The following SETD3 variants were observed in gnomAD, a reference collection of about 807,000 sequenced individuals.
The protein encoded by SETD3 is SET domain containing 3, actin N3(tau)-histidine methyltransferase, also known as actin-histidine N-methyltransferase.
In SETD3, 19 loss-of-function variants were observed where a neutral mutation model predicts 63.0. The observed-to-expected ratio is 0.30, with a 90% CI of 0.21 to 0.44. The LOEUF (loss-of-function observed/expected upper bound fraction) is 0.44. Ranked by LOEUF, SETD3 falls within the 20% of genes least tolerant of loss-of-function variation. The probability of loss-of-function intolerance (pLI) is 1.00; values close to 1 mark genes in which losing one functional copy is unlikely to be tolerated. For missense variants in SETD3, 587 were observed against 728.5 expected (o/e 0.81, Z 2.24); for synonymous variants, 286 against 264.1 (o/e 1.08, Z -0.80).
chr14:99,481,550 C>A (rs1896320734), upstream of SETD3: 2 of 398,398 alleles, frequency 5.0e-6, no homozygotes, highest in Non-Finnish European at 4.4e-6. Context: ...TAGGTTATGG[C>A]CAACCGCCGC....
chr14:99,425,419 G>A (rs1012511510), intron 6 of SETD3, among the ~76,000 whole-genome samples: 1 of 152,248 alleles, frequency 6.6e-6, no homozygotes, highest in Non-Finnish European at 1.5e-5. Context: ...CAAGTGGTTA[G>A]AGCACCTGCC....
intron 6 of SETD3, among the ~76,000 whole-genome samples, chr14:99,414,299 G>T (rs558700929): frequency 6.6e-6 from 1 of 152,368 alleles, no homozygotes; most frequent in South Asian, 2.1e-4. Context: ...GGTCCATCCT[G>T]GCCCCGCTCT....
At chr14:99,449,702 G>C (rs959669456) in intron 6 of SETD3, among the ~76,000 whole-genome samples, 1 of 152,202 alleles carries the variant, frequency 6.6e-6, no homozygotes, top group East Asian at 1.9e-4. Flanking sequence ...GGACAACACT[G>C]GTGAAATTCA....
chr14:99,461,935 G>A (rs1277417190), intron 3 of SETD3, among the ~76,000 whole-genome samples: 11 of 152,150 alleles, frequency 7.2e-5, no homozygotes, highest in Non-Finnish European at 1.6e-4. Flanking sequence ...CACGTAATAT[G>A]ACACCATTTA....
intron 6 of SETD3, among the ~76,000 whole-genome samples, chr14:99,453,371 A>T (rs1894572034): frequency 6.6e-6 from 1 of 152,236 alleles, no homozygotes; most frequent in Non-Finnish European, 1.5e-5. Flanking sequence ...ACAATTTTTT[A>T]AAAAGATAAT....
At chr14:99,480,268 C>A (rs1303208554) in intron 1 of SETD3, among the ~76,000 whole-genome samples, 1 of 152,188 alleles carries the variant, frequency 6.6e-6, no homozygotes, top group Non-Finnish European at 1.5e-5. Flanking sequence ...GAAATGGGAG[C>A]GCGACCCGGC....
At chr14:99,410,138 G>T in intron 8 of SETD3, 1 of 1,535,264 alleles carries the variant, frequency 6.5e-7, no homozygotes, top group South Asian at 1.1e-5. Context: ...GGAGGTCTAT[G>T]AGTGAGTCCC....
intron 6 of SETD3, among the ~76,000 whole-genome samples, chr14:99,433,797 G>A (rs1893317202): frequency 6.6e-6 from 1 of 152,182 alleles, no homozygotes; most frequent in South Asian, 2.1e-4. Flanking sequence ...GGACATCTAA[G>A]TAGCTAATAA....
intron 6 of SETD3, among the ~76,000 whole-genome samples, chr14:99,457,665 G>A (rs1894835019): frequency 6.6e-6 from 1 of 152,210 alleles, no homozygotes; most frequent in Non-Finnish European, 1.5e-5. Context: ...TCCTGGTGGG[G>A]ACTGTGGTAC....
At chr14:99,451,990 A>C (rs1894489087) in intron 6 of SETD3, among the ~76,000 whole-genome samples, 1 of 152,254 alleles carries the variant, frequency 6.6e-6, no homozygotes, top group East Asian at 1.9e-4. Context: ...GTGTTCATAC[A>C]GGTGTTTTAC....
At chr14:99,477,085 C>T (rs575083638) in intron 1 of SETD3, among the ~76,000 whole-genome samples, 26 of 152,236 alleles carry the variant, frequency 1.7e-4, no homozygotes, top group African/African-American at 6.3e-4. Flanking sequence ...ATCAGTAGAT[C>T]CCTTTCAAAA....
At chr14:99,400,775 G>A (rs964993849) in intron 11 of SETD3, among the ~76,000 whole-genome samples, 5 of 152,248 alleles carry the variant, frequency 3.3e-5, no homozygotes, top group South Asian at 4.1e-4. Flanking sequence ...AGCCACGTTC[G>A]TAACAAGCCA....
intron 6 of SETD3, among the ~76,000 whole-genome samples, chr14:99,416,020 T>G (rs1330521976): frequency 6.6e-6 from 1 of 152,172 alleles, no homozygotes; most frequent in Admixed American, 6.5e-5. Context: ...CAACTAAGAT[T>G]TGGTTTCTAA....
intron 6 of SETD3, among the ~76,000 whole-genome samples, chr14:99,424,476 T>C (rs769932844): frequency 6.6e-6 from 1 of 152,088 alleles, no homozygotes; most frequent in East Asian, 1.9e-4. Flanking sequence ...CAGTGTGGAA[T>C]GTTCTTGATA....
At chr14:99,469,682 G>C (rs114136692) in intron 1 of SETD3, among the ~76,000 whole-genome samples, 3 of 152,214 alleles carry the variant, frequency 2.0e-5, no homozygotes, top group Non-Finnish European at 4.4e-5. Context: ...GAAGGCAGAG[G>C]CTGCAATGAG....
intron 6 of SETD3, among the ~76,000 whole-genome samples, chr14:99,455,754 T>C (rs772989763): frequency 2.6e-5 from 4 of 152,096 alleles, no homozygotes; most frequent in Non-Finnish European, 5.9e-5. Flanking sequence ...ACTTCTGACA[T>C]TTGGGGCTGG....
chr14:99,426,295 T>C (rs1892879337), intron 6 of SETD3, among the ~76,000 whole-genome samples: 1 of 152,258 alleles, frequency 6.6e-6, no homozygotes, highest in South Asian at 2.1e-4. Flanking sequence ...ATGGATTTCA[T>C]TCATTCATTC....
At chr14:99,418,107 T>C (rs549674546) in intron 6 of SETD3, among the ~76,000 whole-genome samples, 25 of 152,348 alleles carry the variant, frequency 1.6e-4, no homozygotes, top group African/African-American at 5.8e-4. Flanking sequence ...TTCTAAATAC[T>C]GTATGTTAAA....
intron 6 of SETD3, among the ~76,000 whole-genome samples, chr14:99,437,651 TATG>T (rs1269234702): frequency 1.3e-5 from 2 of 152,312 alleles, no homozygotes; most frequent in African/African-American, 4.8e-5. Context: ...GACTGTGTGA[TATG>T]ATGTGTGTGC....
Sources: allele counts gnomAD v4.1 joint callset (sites outside exome capture counted in the v4.1 genomes callset), GRCh38; gene constraint gnomAD v4.1.1; transcripts MANE v1.5; gene names NCBI Gene and HGNC (gene_info 2026-07-23, HGNC 2026-07-21).